Variants in EPHA8 observed in about 807,000 individuals in gnomAD.
EPHA8 encodes EPH receptor A8, also known as ephrin type-A receptor 8.
In EPHA8, 58 loss-of-function variants were observed where a neutral mutation model predicts 103.6. The observed-to-expected ratio is 0.56, with a 90% CI of 0.45 to 0.70. EPHA8 has a LOEUF of 0.70. EPHA8 is among the 30% of genes least tolerant of loss of function. The probability of loss-of-function intolerance (pLI) is 0.00; values close to 1 mark genes in which losing one functional copy is unlikely to be tolerated. For synonymous variants in EPHA8, 559 were observed against 572.5 expected (o/e 0.98, Z 0.34); for missense variants, 1,304 against 1,395.2 (o/e 0.93, Z 1.04).
At chr1:22,594,756 A>G (rs975576482) in intron 7 of EPHA8, among the ~76,000 whole-genome samples, 101 of 152,162 alleles carry the variant, frequency 6.6e-4, no homozygotes, top group African/African-American at 2.3e-3. Flanking sequence ...CCTCCATCCC[A>G]TGTACTGTGT....
At chr1:22,571,872 A>C (rs908704960) in intron 2 of EPHA8, among the ~76,000 whole-genome samples, 4 of 152,018 alleles carry the variant, frequency 2.6e-5, no homozygotes, top group Non-Finnish European at 5.9e-5. Flanking sequence ...CCCTTTCTCT[A>C]CAAAAAAAAT....
rs1433551865 is a variant in EPHA8 at position 22,600,957 on chromosome 1, C to G, written c.2598C>G (p.Ala866=). ...CCGCACCCATGGGCTGCCCCCACGC[C>G]CTGCACCAGCTCATGCTCGACTGTT... is the stretch of plus-strand genomic sequence containing the variant. ...RLPAPMGCPH[A]LHQLMLDCWH... Residue 866 remains alanine (A), a synonymous_variant, in exon 15 of 17, where the codon GCC becomes GCG. Transcript: ENST00000166244. The G allele has an allele frequency of 1.2e-6, 2 of 1,612,890 alleles. No individual in the cohort carries two copies. Among genetic ancestry groups the G allele is most frequent in the Non-Finnish European group, 1.7e-6 (2 of 1,179,768 alleles).
At chr1:22,587,250 T>C (rs576904355) in intron 4 of EPHA8, among the ~76,000 whole-genome samples, 1 of 152,382 alleles carries the variant, frequency 6.6e-6, no homozygotes, top group East Asian at 1.9e-4. Context: ...TGACGTGTAG[T>C]TGAGCTCACA....
chr1:22,579,063 A>G (rs1246237604), intron 3 of EPHA8, among the ~76,000 whole-genome samples: 1 of 141,806 alleles, frequency 7.1e-6, no homozygotes, highest in Non-Finnish European at 1.5e-5. Flanking sequence ...GCATGTATGT[A>G]TGCATGTGTG....
At chr1:22,600,506 G>T (rs752116310) in intron 13 of EPHA8, among the ~76,000 whole-genome samples, 155 bp from the exon 14 acceptor site, 1 of 152,012 alleles carries the variant, frequency 6.6e-6, no homozygotes, top group Non-Finnish European at 1.5e-5. Flanking sequence ...CTCTTGTGAG[G>T]CCTCCCTCAG....
rs547314800 is a variant in EPHA8, at chr1:22,603,031, A to T, written c.*1290A>T. 4.6e-5 allele frequency: 7 copies of T among 152,654 alleles called. No homozygotes were observed. Among genetic ancestry groups the T allele is most frequent in the Non-Finnish European group, 1.0e-4 (7 of 68,010 alleles). 9.5% of individuals were successfully genotyped at this position (152,654 alleles called of 1,614,324 possible). On this transcript the variant is annotated 3_prime_UTR_variant, in exon 17 of 17. Transcript: ENST00000166244. ...TTTCCTCACTCCTGACAATGCAAAA[A>T]TGGTCTTCAAAGCACATAAAAAGCA...
chr1:22,589,383 A>T lies in EPHA8; in HGVS notation c.1315+177A>T, dbSNP rs1188499788. 2.6e-6 allele frequency: 4 copies of T among 1,538,974 alleles called. No homozygotes were observed. The highest frequency in any genetic ancestry group is 2.6e-6 in the Non-Finnish European group (3 of 1,148,172). On this transcript the variant is annotated intron_variant, in intron 5 of 16. Transcript: ENST00000166244. This position sits in a 1 kb window ranked among gnomAD's most constrained non-coding sequence, Gnocchi z 4.3. ...GGAGGCTCTTCATTGCCTTTAGAAA[A>T]GTGGAACACATTCTATAAGTAAGAG...
chr1:22,564,477 C>T (rs1327261484), intron 1 of EPHA8, among the ~76,000 whole-genome samples: 2 of 151,606 alleles, frequency 1.3e-5, no homozygotes, highest in Admixed American at 6.6e-5. Context: ...GGCAGGCAGG[C>T]CCCGGAGAGC....
intron 3 of EPHA8, among the ~76,000 whole-genome samples, chr1:22,581,204 A>G (rs982923407): frequency 1.3e-5 from 2 of 152,066 alleles, no homozygotes; most frequent in East Asian, 3.9e-4. Flanking sequence ...AGCACCTTCA[A>G]TTGCTTCCTC....
chr1:22,582,105 A>T (rs1227955445), intron 3 of EPHA8, among the ~76,000 whole-genome samples: 3 of 152,132 alleles, frequency 2.0e-5, no homozygotes, highest in Admixed American at 6.5e-5. Context: ...CTTTCCTGGG[A>T]TACTTGAGAT....
At position 22,597,960 on chromosome 1, in the gene EPHA8, A is replaced by C; in HGVS notation, c.2116+99A>C. ...CATCCATCCTGCTCTGCCCCACCTG[A>C]CCCTGTCCTCTTGGTTCAGGTCCCT... On this transcript the variant is annotated intron_variant, in intron 11 of 16. Coordinates refer to ENST00000166244, the MANE Select transcript of EPHA8 (RefSeq NM_020526.5). This position sits in a 1 kb window ranked among gnomAD's most constrained non-coding sequence, Gnocchi z 4.6. 6.7e-7 allele frequency: 1 copy of C among 1,503,140 alleles called. No homozygotes were observed. Among genetic ancestry groups the C allele is most frequent in the Non-Finnish European group, 9.1e-7 (1 of 1,101,278 alleles). The allele number at this position is 1,503,140 out of a possible 1,614,324, so 93.1% of individuals were successfully genotyped here. A position where few individuals can be genotyped will look rare whatever the true frequency, so the allele number is the denominator to read the frequency against.
Position 22,576,074 on chromosome 1 carries a change from G to A in EPHA8, c.160-143G>A. ...CCCTCTTCGAGATCATGTCTGCAGGGGGCCTGGCATCTAGTAGCCACCAGG... is the reference window on the plus strand; with the variant it reads ...CCCTCTTCGAGATCATGTCTGCAGGAGGCCTGGCATCTAGTAGCCACCAGG... On this transcript the variant is annotated intron_variant, in intron 2 of 16. Coordinates refer to ENST00000166244, the MANE Select transcript of EPHA8 (RefSeq NM_020526.5). The surrounding 1 kb of genome is among the most constrained non-coding windows in gnomAD (Gnocchi z 4.8). 1.2e-6 allele frequency: 1 copy of A among 854,988 alleles called. No homozygotes were observed. Among genetic ancestry groups the A allele is most frequent in the Non-Finnish European group, 1.8e-6 (1 of 542,318 alleles). 53.0% of individuals were successfully genotyped at this position (854,988 alleles called of 1,614,324 possible).
chr1:22,599,027 G>A lies in EPHA8; in HGVS notation c.2368G>A (p.Asp790Asn), dbSNP rs2148268075. The change falls in exon 13 of 17, where the codon GAT becomes AAT. Residue 790 changes from aspartate (D) to asparagine (N), a missense_variant. By Grantham distance (23) the Asp-to-Asn change is conservative. Transcript: ENST00000166244. ...GLSRVLEDDP[D>N]AAYTTTGGKI... ...CTCACGGGTGCTGGAGGACGACCCG[G>A]ATGCTGCCTACACCACCACGGTGCG... The A allele has an allele frequency of 6.2e-7, 1 of 1,608,062 alleles. No individual in the cohort carries two copies. Among genetic ancestry groups the A allele is most frequent in the Non-Finnish European group, 8.5e-7 (1 of 1,177,842 alleles).
At position 22,569,982 on chromosome 1, in the gene EPHA8, C is replaced by T. The variant is rs563560376; in HGVS notation, c.159+629C>T. On this transcript the variant is annotated intron_variant, in intron 2 of 16. Coordinates refer to ENST00000166244, the MANE Select transcript of EPHA8 (RefSeq NM_020526.5). This position sits in a 1 kb window ranked among gnomAD's most constrained non-coding sequence, Gnocchi z 4.5. ...GGTGAGATCCCAGCTCTGCCCTTGA[C>T]AAGCAGGTGGACTTGGGTCACCATT... 6.6e-6 allele frequency among the ~76,000 whole-genome samples: 1 copy of T among 152,136 alleles called. No homozygotes were observed. Among genetic ancestry groups the T allele is most frequent in the Non-Finnish European group, 1.5e-5 (1 of 68,028 alleles).
chr1:22,585,285 A>AGGAAGGGGG (rs1270846691), intron 3 of EPHA8, among the ~76,000 whole-genome samples: 4 of 152,114 alleles, frequency 2.6e-5, no homozygotes, highest in Non-Finnish European at 2.9e-5. Flanking sequence ...TTGGCTGGGC[A>AGGAAGGGGG]GGGAGGGATT....
intron 3 of EPHA8, among the ~76,000 whole-genome samples, chr1:22,577,292 G>A (rs929333040): frequency 2.6e-5 from 4 of 152,208 alleles, no homozygotes; most frequent in African/African-American, 9.7e-5. Context: ...ACTACACTAT[G>A]ACGTAGGAAC....
intron 3 of EPHA8, among the ~76,000 whole-genome samples, chr1:22,583,135 C>T (rs1405589460): frequency 6.6e-6 from 1 of 152,192 alleles, no homozygotes; most frequent in Non-Finnish European, 1.5e-5. Context: ...GTCAGGAGCC[C>T]CTCCTGGCTC....
intron 3 of EPHA8, among the ~76,000 whole-genome samples, chr1:22,577,716 G>A (rs1640750688): frequency 6.6e-6 from 1 of 151,944 alleles, no homozygotes; most frequent in Admixed American, 6.6e-5. Context: ...TCCTGTGTCG[G>A]AGCAGGAGCA....
At chr1:22,593,116 G>A (rs908487650) in intron 5 of EPHA8, among the ~76,000 whole-genome samples, 2 of 152,166 alleles carry the variant, frequency 1.3e-5, no homozygotes, top group African/African-American at 4.8e-5. Context: ...ACCATGCCAG[G>A]CCACGCCAAC....
Sources: gnomAD v4.1 joint callset for allele counts (sites outside exome capture counted in the v4.1 genomes callset) on GRCh38, gnomAD v4.1.1 for gene constraint, Gnocchi (gnomAD v3.1) non-coding constraint, MANE v1.5 for transcripts, NCBI Gene and HGNC (gene_info 2026-07-23, HGNC 2026-07-21) for gene names.